PDZRN3: variants seen among roughly 807,000 people sequenced by gnomAD.
PDZRN3 encodes PDZ domain containing ring finger 3.
In PDZRN3, 38 loss-of-function variants were observed where a neutral mutation model predicts 85.7. The observed-to-expected ratio is 0.44, with a 90% CI of 0.34 to 0.58. PDZRN3 has a LOEUF of 0.58. Among genes scored for constraint, PDZRN3 ranks in the 20% least tolerant of loss-of-function variants. PDZRN3 has a pLI of 0.01. For missense variants in PDZRN3, 1,629 were observed against 1,506.4 expected (o/e 1.08, Z -1.35); for synonymous variants, 759 against 638.0 (o/e 1.19, Z -2.86).
Position 73,448,062 on chromosome 3 carries a change from T to A in PDZRN3, c.919-43667A>T, listed in dbSNP as rs75178328. Among the ~76,000 whole-genome samples, 989 of 152,280 alleles carry A rather than the reference T, an allele frequency of 6.5e-3. 11 individuals are homozygous for A. The highest frequency in any genetic ancestry group is 0.023 in the African/African-American group (942 of 41,548). On this transcript the variant is annotated intron_variant, in intron 3 of 9. Transcript: ENST00000263666. ...GTCTCCATATACTGCCAGTGGGAGTTCAACCTATTAGAAATGCCCTCTGAC... is the reference window on the plus strand; with the variant it reads ...GTCTCCATATACTGCCAGTGGGAGTACAACCTATTAGAAATGCCCTCTGAC...
At chr3:73,523,321 G>C (rs951366281) in intron 3 of PDZRN3, among the ~76,000 whole-genome samples, 2 of 152,032 alleles carry the variant, frequency 1.3e-5, no homozygotes, top group Middle Eastern at 3.4e-3. Context: ...GCCACCATAC[G>C]GGGCCAAAAG....
chr3:73,493,471 C>G (rs573224749), intron 3 of PDZRN3, among the ~76,000 whole-genome samples: 19 of 152,220 alleles, frequency 1.2e-4, no homozygotes, highest in African/African-American at 4.6e-4. Context: ...TGAGGAGGAG[C>G]AGGAGGCTGT....
chr3:73,392,838 T>A lies in PDZRN3; in HGVS notation c.1255-1722A>T, dbSNP rs186330161. Among the ~76,000 whole-genome samples the A allele has an allele frequency of 4.3e-3, 658 of 152,340 alleles. 9 individuals carry two copies. The highest frequency in any genetic ancestry group is 0.015 in the African/African-American group (615 of 41,580). On this transcript the variant is annotated intron_variant, in intron 5 of 9. Transcript: ENST00000263666. ...GATAATTAAGTGGGTTTAAGGGTCA[T>A]ATTTAACAATGAGAGCAAGCCTAAA...
At chr3:73,580,417 C>T (rs1005491531) in intron 3 of PDZRN3, among the ~76,000 whole-genome samples, 1 of 152,248 alleles carries the variant, frequency 6.6e-6, no homozygotes, top group African/African-American at 2.4e-5. Flanking sequence ...AGCCAGCTCT[C>T]ACAGCCATGC....
chr3:73,506,624 T>TCGAA (rs1167380925), intron 3 of PDZRN3, among the ~76,000 whole-genome samples: 2 of 152,116 alleles, frequency 1.3e-5, no homozygotes, highest in East Asian at 3.8e-4. Flanking sequence ...AAAGACTTAC[T>TCGAA]CGAATATGAT....
intron 3 of PDZRN3, among the ~76,000 whole-genome samples, chr3:73,459,564 C>T (rs1703060273): frequency 6.6e-6 from 1 of 152,098 alleles, no homozygotes. Context: ...TCCATGAGTT[C>T]TCATCACTTA....
At chr3:73,530,924 T>G (rs192357290) in intron 3 of PDZRN3, among the ~76,000 whole-genome samples, 1 of 152,296 alleles carries the variant, frequency 6.6e-6, no homozygotes, top group African/African-American at 2.4e-5. Flanking sequence ...AAAAGGTTAT[T>G]ACTTGACTAT....
chr3:73,456,033 G>T (rs1702969643), intron 3 of PDZRN3, among the ~76,000 whole-genome samples: 1 of 152,192 alleles, frequency 6.6e-6, no homozygotes. Flanking sequence ...TAGTGGTAAT[G>T]GTGGAAGGAA....
rs1553706426 is a variant in PDZRN3 at position 73,600,337 on chromosome 3, ACT to A, written c.918+2015_918+2016del. On this transcript the variant is annotated intron_variant, in intron 3 of 9. Transcript: ENST00000263666. ...CACACACACACACACACACACACAC[ACT>A]CTCTCTCTCTCTCTCTCTCTCTCTC... Among the ~76,000 whole-genome samples, 57 of 100,062 alleles carry A rather than the reference ACT, an allele frequency of 5.7e-4. 2 individuals carry two copies. Among genetic ancestry groups the A allele is most frequent in the African/African-American group, 9.8e-4 (23 of 23,430 alleles). 65.6% of individuals were successfully genotyped at this position (100,062 alleles called of 152,430 possible).
intron 8 of PDZRN3, among the ~76,000 whole-genome samples, chr3:73,386,891 G>C (rs1701405804): frequency 6.6e-6 from 1 of 152,058 alleles, no homozygotes. Flanking sequence ...ATACTGATAT[G>C]GTTTGGCTGT....
chr3:73,527,186 T>C (rs1300281099), intron 3 of PDZRN3, among the ~76,000 whole-genome samples: 2 of 152,160 alleles, frequency 1.3e-5, no homozygotes, highest in South Asian at 2.1e-4. Context: ...ATAACCTTCC[T>C]GATGCACAGT....
chr3:73,464,508 A>G (rs1409845516), intron 3 of PDZRN3, among the ~76,000 whole-genome samples: 4 of 152,022 alleles, frequency 2.6e-5, no homozygotes, highest in African/African-American at 9.7e-5. Flanking sequence ...CTCTGCTAAG[A>G]TTTTCTATGT....
At chr3:73,492,488 C>A (rs145528019) in intron 3 of PDZRN3, among the ~76,000 whole-genome samples, 1 of 152,168 alleles carries the variant, frequency 6.6e-6, no homozygotes, top group African/African-American at 2.4e-5. Flanking sequence ...CCAAAGCACA[C>A]GTGAAGGGTA....
At chr3:73,572,798 A>C (rs922673570) in intron 3 of PDZRN3, among the ~76,000 whole-genome samples, 1 of 152,198 alleles carries the variant, frequency 6.6e-6, no homozygotes, top group South Asian at 2.1e-4. Context: ...TCAATAAAAA[A>C]ATGCAGATTC....
rs569615669 is a variant in PDZRN3, at chr3:73,384,586, G to T, written c.1980C>A (p.Thr660=). The change falls in exon 10 of 10, where the codon ACC becomes ACA. Residue 660 remains threonine, a synonymous_variant. Coordinates refer to ENST00000263666, the MANE Select transcript of PDZRN3 (RefSeq NM_015009.3). ...LELKCQVKSA[T]PYGLYYPSGP... ...CGCTAGGGTAGTACAGGCCGTAAGG[G>T]GTGGCGCTCTTCACCTGGCACTTGA... is the stretch of plus-strand genomic sequence containing the variant. 3 of 1,613,640 alleles carry T rather than the reference G, an allele frequency of 1.9e-6. No homozygotes were observed. In the Admixed American group the frequency reaches 5.0e-5, roughly 27 times the overall value.
chr3:73,411,999 GGCATCTGC>G (rs1475227861), intron 3 of PDZRN3, among the ~76,000 whole-genome samples: 3 of 152,136 alleles, frequency 2.0e-5, no homozygotes, highest in Non-Finnish European at 4.4e-5. Flanking sequence ...AGACACAGAG[GGCATCTGC>G]GCATCTGCAG....
At chr3:73,413,752 A>T (rs1297770999) in intron 3 of PDZRN3, among the ~76,000 whole-genome samples, 1 of 152,096 alleles carries the variant, frequency 6.6e-6, no homozygotes, top group Non-Finnish European at 1.5e-5. Flanking sequence ...CATCAACAAG[A>T]GGGAGAGGTG....
intron 7 of PDZRN3, among the ~76,000 whole-genome samples, chr3:73,389,272 C>T (rs770310604): frequency 9.2e-5 from 14 of 152,084 alleles, no homozygotes; most frequent in East Asian, 1.9e-4. Context: ...TTGGACTAGA[C>T]GGAGCAACAG....
intron 3 of PDZRN3, among the ~76,000 whole-genome samples, chr3:73,535,919 T>C (rs1225348333): frequency 1.3e-5 from 2 of 152,222 alleles, no homozygotes; most frequent in Admixed American, 6.5e-5. Flanking sequence ...AAGGGAAATT[T>C]TACAAGGATT....
Sources: gnomAD v4.1 joint callset for allele counts (sites outside exome capture counted in the v4.1 genomes callset) on GRCh38, gnomAD v4.1.1 for gene constraint, MANE v1.5 for transcripts, NCBI Gene and HGNC (gene_info 2026-07-23, HGNC 2026-07-21) for gene names.